Variants in SGCZ observed in about 807,000 individuals in gnomAD.
SGCZ encodes the protein zeta-sarcoglycan.
Under a neutral mutation model 41.3 loss-of-function variants are expected in SGCZ, and 40 were observed. The observed-to-expected ratio is 0.97, with a 90% CI of 0.75 to 1.26. The LOEUF (loss-of-function observed/expected upper bound fraction) is 1.26, where lower values mean the gene tolerates loss of function less well. Among genes scored for constraint, SGCZ ranks in the 50% most tolerant of loss-of-function variants. SGCZ has a pLI of 0.00. For synonymous variants in SGCZ, 206 were observed against 137.5 expected (o/e 1.50, Z -3.49); for missense variants, 552 against 369.8 (o/e 1.49, Z -4.04).
At chr8:15,083,070 T>G (rs755645572) in intron 1 of SGCZ, among the ~76,000 whole-genome samples, 6 of 152,188 alleles carry the variant, frequency 3.9e-5, no homozygotes, top group Admixed American at 6.5e-5. Flanking sequence ...ATAGTCGTGT[T>G]CAAATGAAAT....
chr8:15,004,734 G>A (rs868003946), intron 1 of SGCZ, among the ~76,000 whole-genome samples: 26 of 152,068 alleles, frequency 1.7e-4, no homozygotes, highest in Admixed American at 2.0e-4. Flanking sequence ...CCACCTTCCC[G>A]ATAACAAAAG....
chr8:15,105,290 C>T (rs1021773576), intron 1 of SGCZ, among the ~76,000 whole-genome samples: 2 of 152,130 alleles, frequency 1.3e-5, no homozygotes, highest in Non-Finnish European at 2.9e-5. Context: ...TGATTATTCC[C>T]CCTACAGATG....
chr8:15,039,031 GA>G (rs1803979041), intron 1 of SGCZ, among the ~76,000 whole-genome samples: 1 of 152,060 alleles, frequency 6.6e-6, no homozygotes, highest in Non-Finnish European at 1.5e-5. Flanking sequence ...CTGTTGGTGG[GA>G]ATGTAAATTA....
intron 4 of SGCZ, among the ~76,000 whole-genome samples, chr8:14,190,014 C>CTTTTTT (rs71304966): frequency 0.016 from 1,563 of 100,140 alleles, 82 homozygotes; most frequent in East Asian, 0.08. Context: ...TTCTTTCTTT[C>CTTTTTT]TTTTTTTTTT....
chr8:14,277,949 T>G (rs1800293728), intron 3 of SGCZ, among the ~76,000 whole-genome samples: 2 of 151,788 alleles, frequency 1.3e-5, no homozygotes, highest in African/African-American at 4.8e-5. Context: ...ACAAAAGAAG[T>G]CATCGCCATG....
chr8:14,822,458 G>T (rs1226791888), intron 1 of SGCZ, among the ~76,000 whole-genome samples: 1 of 152,036 alleles, frequency 6.6e-6, no homozygotes, highest in African/African-American at 2.4e-5. Context: ...AAATACAACT[G>T]ACATTATTCA....
chr8:14,394,397 C>T (rs1804905575), intron 2 of SGCZ, among the ~76,000 whole-genome samples: 1 of 152,118 alleles, frequency 6.6e-6, no homozygotes, highest in African/African-American at 2.4e-5. Flanking sequence ...GATCCACCCG[C>T]CTCGGCCTTT....
intron 1 of SGCZ, among the ~76,000 whole-genome samples, chr8:14,585,648 C>G (rs188448323): frequency 1.5e-3 from 221 of 152,182 alleles, no homozygotes; most frequent in African/African-American, 5.1e-3. Context: ...CAGACTCATT[C>G]TCTGAAAGAA....
chr8:15,150,975 T>A (rs1323462392), intron 1 of SGCZ, among the ~76,000 whole-genome samples: 3 of 152,236 alleles, frequency 2.0e-5, no homozygotes, highest in Non-Finnish European at 4.4e-5. Flanking sequence ...TTCTAATTAA[T>A]AGAACATGGC....
At chr8:14,616,815 A>G (rs1019270660) in intron 1 of SGCZ, among the ~76,000 whole-genome samples, 1 of 152,144 alleles carries the variant, frequency 6.6e-6, no homozygotes, top group South Asian at 2.1e-4. Context: ...ATTGTTAGCA[A>G]TTTAAGATCT....
chr8:15,108,703 C>T (rs1234720149), intron 1 of SGCZ, among the ~76,000 whole-genome samples: 3 of 151,932 alleles, frequency 2.0e-5, no homozygotes, highest in Non-Finnish European at 2.9e-5. Context: ...CACTCTATAT[C>T]GAAGATATTT....
At chr8:14,867,750 C>T (rs890025011) in intron 1 of SGCZ, among the ~76,000 whole-genome samples, 2 of 152,014 alleles carry the variant, frequency 1.3e-5, no homozygotes, top group Non-Finnish European at 2.9e-5. Context: ...ACAACACACA[C>T]TGGGGCCTCT....
chr8:14,872,699 A>C (rs969653283), intron 1 of SGCZ, among the ~76,000 whole-genome samples: 7 of 152,098 alleles, frequency 4.6e-5, no homozygotes, highest in Admixed American at 6.6e-5. Context: ...AACTAAACTA[A>C]CTTGTCTTTC....
chr8:14,151,824 G>T (rs1803718796), intron 5 of SGCZ, among the ~76,000 whole-genome samples: 1 of 152,008 alleles, frequency 6.6e-6, no homozygotes, highest in Admixed American at 6.6e-5. Flanking sequence ...ACAGACTTTT[G>T]ACAAGTGTGT....
At chr8:14,267,471 G>A (rs1328100174) in intron 3 of SGCZ, among the ~76,000 whole-genome samples, 3 of 152,020 alleles carry the variant, frequency 2.0e-5, no homozygotes, top group Non-Finnish European at 4.4e-5. Flanking sequence ...GACATTAATG[G>A]TGTTACATGG....
intron 3 of SGCZ, among the ~76,000 whole-genome samples, chr8:14,264,079 A>T (rs1025927884): frequency 1.3e-5 from 2 of 152,176 alleles, no homozygotes; most frequent in African/African-American, 4.8e-5. Flanking sequence ...TCCAGCCAGC[A>T]CTACCCAGTG....
At chr8:14,382,562 C>A (rs1804407631) in intron 2 of SGCZ, among the ~76,000 whole-genome samples, 1 of 152,130 alleles carries the variant, frequency 6.6e-6, no homozygotes, top group Non-Finnish European at 1.5e-5. Context: ...ACATAGGACC[C>A]TTAAAGTGAT....
intron 1 of SGCZ, among the ~76,000 whole-genome samples, chr8:14,644,184 A>T (rs1026717770): frequency 2.8e-4 from 43 of 151,752 alleles, no homozygotes; most frequent in African/African-American, 1.0e-3. Context: ...GCACCCATCT[A>T]GATATTGCTA....
At position 15,009,075 on chromosome 8, in the gene SGCZ, A is replaced by C. The variant is rs147645285; in HGVS notation, c.39+228510T>G. Among the ~76,000 whole-genome samples, 512 of 152,264 alleles carry C rather than the reference A, an allele frequency of 3.4e-3. 4 individuals are homozygous for C. The highest frequency in any genetic ancestry group is 0.012 in the African/African-American group (495 of 41,552). On this transcript the variant is annotated intron_variant, in intron 1 of 7. Coordinates refer to ENST00000382080, the MANE Select transcript of SGCZ (RefSeq NM_139167.4). ...ATTAGTAAAAATCGTCATTTATCTGAATCACAGTATATTAATTTGTTCTCA... is the reference window on the plus strand; with the variant it reads ...ATTAGTAAAAATCGTCATTTATCTGCATCACAGTATATTAATTTGTTCTCA...
Sources: gnomAD v4.1 joint callset for allele counts (sites outside exome capture counted in the v4.1 genomes callset) on GRCh38, gnomAD v4.1.1 for gene constraint, MANE v1.5 for transcripts, NCBI Gene and HGNC (gene_info 2026-07-23, HGNC 2026-07-21) for gene names.